Variants in KPNA4 observed in about 807,000 individuals in gnomAD.
KPNA4 encodes importin subunit alpha-3.
In KPNA4, 13 loss-of-function variants were observed where a neutral mutation model predicts 71.3. The ratio of observed to expected loss-of-function variants is 0.18; its 90% CI spans 0.12 to 0.29. KPNA4 has a LOEUF of 0.29. Among genes scored for constraint, KPNA4 ranks in the 10% least tolerant of loss-of-function variants. The pLI, the probability that KPNA4 is intolerant of heterozygous loss-of-function variation, is 1.00. For missense variants in KPNA4, 334 were observed against 603.2 expected (o/e 0.55, Z 4.67); for synonymous variants, 189 against 195.2 (o/e 0.97, Z 0.26).
chr3:160,545,774 A>G (rs1000078123), intron 1 of KPNA4, among the ~76,000 whole-genome samples: 2 of 152,356 alleles, frequency 1.3e-5, no homozygotes, highest in Admixed American at 6.5e-5. Flanking sequence ...ATCTTGGACC[A>G]GAGTGGTCGC....
intron 1 of KPNA4, among the ~76,000 whole-genome samples, chr3:160,545,809 G>A (rs750921467): frequency 6.6e-6 from 1 of 152,118 alleles, no homozygotes; most frequent in African/African-American, 2.4e-5. Context: ...AACATAATGA[G>A]TCTGAATATA....
chr3:160,535,472 TA>T, intron 5 of KPNA4, 40 bp downstream of exon 5: 1 of 1,493,854 alleles, frequency 6.7e-7, no homozygotes, highest in Non-Finnish European at 9.2e-7. Context: ...AACCCCTGTG[TA>T]AGTTGTAAAA....
intron 1 of KPNA4, among the ~76,000 whole-genome samples, chr3:160,537,561 T>C (rs1721714748): frequency 6.6e-6 from 1 of 151,070 alleles, no homozygotes; most frequent in Non-Finnish European, 1.5e-5. Context: ...AAGTTCAATC[T>C]GTTTTTACAT....
intron 9 of KPNA4, 34 bp from the exon 10 acceptor site, chr3:160,525,878 C>A: frequency 6.6e-7 from 1 of 1,523,672 alleles, no homozygotes; most frequent in South Asian, 1.3e-5. Context: ...TAAAAACATA[C>A]ACAAATAAAA....
chr3:160,531,028 G>T, intron 6 of KPNA4, 88 bp from the exon 7 acceptor site: 1 of 849,746 alleles, frequency 1.2e-6, no homozygotes, highest in Non-Finnish European at 1.9e-6. Context: ...CATTTAAAAT[G>T]CATTAAATAT....
chr3:160,537,504 A>G (rs567345513), intron 1 of KPNA4, among the ~76,000 whole-genome samples: 4 of 151,746 alleles, frequency 2.6e-5, no homozygotes, highest in African/African-American at 9.7e-5. Flanking sequence ...TACTTACTAC[A>G]GGCATGTGTG....
intron 10 of KPNA4, among the ~76,000 whole-genome samples, chr3:160,523,358 C>A (rs1721394984): frequency 6.6e-6 from 1 of 151,812 alleles, no homozygotes; most frequent in South Asian, 2.1e-4. Context: ...TTTTATGACC[C>A]TGACTTTAAA....
Position 160,499,045 on chromosome 3 carries a change from AAAC to A in KPNA4, c.*3056_*3058del, listed in dbSNP as rs1444113173. ...AATGCAGTTATACCTTTAAAGAAACAAACAACTCCTCACCCTATGAAGTGCTGC... is the reference window on the plus strand; with the variant it reads ...AATGCAGTTATACCTTTAAAGAAACAAACTCCTCACCCTATGAAGTGCTGC... On this transcript the variant is annotated 3_prime_UTR_variant, in exon 17 of 17. Coordinates refer to ENST00000334256, the MANE Select transcript of KPNA4 (RefSeq NM_002268.5). 2 of 152,194 alleles carry A rather than the reference AAAC, an allele frequency of 1.3e-5. No homozygotes were observed. Among genetic ancestry groups the A allele is most frequent in the Non-Finnish European group, 2.9e-5 (2 of 68,032 alleles). The allele number at this position is 152,194 out of a possible 1,614,324, so 9.4% of individuals were successfully genotyped here. A position where few individuals can be genotyped will look rare whatever the true frequency, so the allele number is the denominator to read the frequency against.
At chr3:160,536,932 A>T in intron 1 of KPNA4, 92 bp from the exon 2 acceptor site, 1 of 635,938 alleles carries the variant, frequency 1.6e-6, no homozygotes, top group East Asian at 2.8e-5. Flanking sequence ...ATACACCTCT[A>T]ATCTTTTCTT....
rs769450296 is a variant in KPNA4 at position 160,565,252 on chromosome 3, G to A, written c.31C>T (p.Arg11Trp). The change falls in exon 1 of 17, where the codon CGG (arginine) becomes TGG (tryptophan). Residue 11 changes from arginine to tryptophan, a missense_variant. Coordinates refer to ENST00000334256, the MANE Select transcript of KPNA4 (RefSeq NM_002268.5). ...CCTTTGTTCTTGAAATTCTTGAGCCGTTGGTTGTCCAGTTTCTCGTTGTCC... is the reference window on the plus strand; with the variant it reads ...CCTTTGTTCTTGAAATTCTTGAGCCATTGGTTGTCCAGTTTCTCGTTGTCC... MADNEKLDNQ[R>W]LKNFKNKGRD... 1 of 1,609,532 alleles carries A rather than the reference G, an allele frequency of 6.2e-7. No homozygotes were observed.
chr3:160,503,542 A>C (rs1268757863), intron 16 of KPNA4, among the ~76,000 whole-genome samples: 1 of 152,212 alleles, frequency 6.6e-6, no homozygotes, highest in Non-Finnish European at 1.5e-5. Context: ...TATTATTATT[A>C]TATACATTAT....
intron 13 of KPNA4, 26 bp downstream of exon 13, chr3:160,514,051 T>A: frequency 7.5e-7 from 1 of 1,327,350 alleles, no homozygotes; most frequent in African/African-American, 1.5e-5. Flanking sequence ...ATCAGATAAA[T>A]GATACATATA....
chr3:160,516,985 A>C (rs1489593705), intron 11 of KPNA4, among the ~76,000 whole-genome samples: 1 of 152,064 alleles, frequency 6.6e-6, no homozygotes, highest in Non-Finnish European at 1.5e-5. Context: ...AAATTCATAT[A>C]ACATAAAATT....
chr3:160,544,014 C>T (rs547878542), intron 1 of KPNA4, among the ~76,000 whole-genome samples: 60 of 152,256 alleles, frequency 3.9e-4, no homozygotes, highest in African/African-American at 1.3e-3. Flanking sequence ...CCCGCCACCA[C>T]GCCCAGTGTG....
chr3:160,541,650 C>T (rs2108555990), intron 1 of KPNA4, among the ~76,000 whole-genome samples: 2 of 34,036 alleles, frequency 5.9e-5, no homozygotes, highest in African/African-American at 5.2e-4. Flanking sequence ...TATATACGCG[C>T]ACACACACAC....
In KPNA4 at chr3:160,501,168, T is replaced by TC; in HGVS notation, c.*935dup. ...TAGTTTTGATGATATGGAAAGCTTT[T>TC]CATAGCATCAAACATTCATCTGGTG... is the stretch of plus-strand genomic sequence containing the variant. On this transcript the variant is annotated 3_prime_UTR_variant, in exon 17 of 17. Transcript: ENST00000334256. 6.6e-6 allele frequency: 1 copy of TC among 152,380 alleles called. No individual in the cohort carries two copies. The allele number at this position is 152,380 out of a possible 1,614,324, so 9.4% of individuals were successfully genotyped here.
chr3:160,497,671 A>G lies in KPNA4; in HGVS notation c.*4433T>C, dbSNP rs1720793620. 6.6e-6 allele frequency: 1 copy of G among 152,176 alleles called. No homozygotes were observed. The highest frequency in any genetic ancestry group is 6.5e-5 in the Admixed American group (1 of 15,278). The allele number at this position is 152,176 out of a possible 1,614,324, so 9.4% of individuals were successfully genotyped here. A position where few individuals can be genotyped will look rare whatever the true frequency, so the allele number is the denominator to read the frequency against. On this transcript the variant is annotated 3_prime_UTR_variant, in exon 17 of 17. Transcript: ENST00000334256. ...TCCCATAATATTAAATTATTGGCTG[A>G]CAGTTAATGAATTTTGCCAATAAGT... is the stretch of plus-strand genomic sequence containing the variant.
intron 1 of KPNA4, among the ~76,000 whole-genome samples, chr3:160,542,257 C>T (rs550704986): frequency 6.6e-6 from 1 of 152,252 alleles, no homozygotes; most frequent in South Asian, 2.1e-4. Flanking sequence ...TCATCACAAC[C>T]CAAACACATT....
In KPNA4 at chr3:160,515,503, A is replaced by C; in HGVS notation, c.981T>G (p.Ala327=). ...TCAGGAGTGCTGGGAAGTGTGAAAG[A>C]GCATCACAGTTCAAAACTACTTGTG... is the stretch of plus-strand genomic sequence containing the variant. ...EQTQVVLNCD[A]LSHFPALLTH... The change falls in exon 12 of 17, where the codon GCT becomes GCG. Residue 327 remains alanine, a synonymous_variant. Transcript: ENST00000334256. 1 of 1,613,890 alleles carries C rather than the reference A, an allele frequency of 6.2e-7. No individual in the cohort carries two copies.
Sources: allele counts gnomAD v4.1 joint callset (sites outside exome capture counted in the v4.1 genomes callset), GRCh38; gene constraint gnomAD v4.1.1; transcripts MANE v1.5; gene names NCBI Gene and HGNC (gene_info 2026-07-23, HGNC 2026-07-21).